Variants in DLG2 observed in about 807,000 individuals in gnomAD.
The protein encoded by DLG2 is disks large homolog 2.
In DLG2, 45 loss-of-function variants were observed where a neutral mutation model predicts 132.5. The observed-to-expected ratio is 0.34, with a 90% CI of 0.27 to 0.44. The LOEUF (loss-of-function observed/expected upper bound fraction) is 0.44. Ranked by LOEUF, DLG2 falls within the 20% of genes least tolerant of loss-of-function variation. DLG2 has a pLI of 1.00. For missense variants in DLG2, 1,045 were observed against 1,196.9 expected (o/e 0.87, Z 1.87); for synonymous variants, 424 against 419.6 (o/e 1.01, Z -0.13).
chr11:84,364,948 A>G (rs527575661), intron 7 of DLG2, among the ~76,000 whole-genome samples: 328 of 152,278 alleles, frequency 2.2e-3, no homozygotes, highest in African/African-American at 7.6e-3. Flanking sequence ...ATCAATGATC[A>G]TCAAGGATAT....
At chr11:84,570,357 C>G (rs1440456035) in intron 6 of DLG2, among the ~76,000 whole-genome samples, 2 of 152,186 alleles carry the variant, frequency 1.3e-5, no homozygotes, top group African/African-American at 4.8e-5. Context: ...GGTTAGGTAT[C>G]TCACTCTTGT....
In DLG2 at chr11:85,002,433, T is replaced by C. The variant is rs61909090; in HGVS notation, c.357+109228A>G. Among the ~76,000 whole-genome samples, 1,205 of 152,280 alleles carry C rather than the reference T, an allele frequency of 7.9e-3. 7 individuals are homozygous for C. The highest frequency in any genetic ancestry group is 0.013 in the Non-Finnish European group (863 of 68,008). Reference sequence around the variant, plus strand: ...TAATGCTTTAAAGATGATATGCTAGTCTAGTGTTTCTCAAAGTAGGGCCCT... The same window carrying C: ...TAATGCTTTAAAGATGATATGCTAGCCTAGTGTTTCTCAAAGTAGGGCCCT... On this transcript the variant is annotated intron_variant, in intron 6 of 27. Transcript: ENST00000376104.
At chr11:83,785,525 G>A (rs1229346545) in intron 18 of DLG2, among the ~76,000 whole-genome samples, 2 of 152,110 alleles carry the variant, frequency 1.3e-5, no homozygotes, top group Non-Finnish European at 2.9e-5. Flanking sequence ...GGCCATATCT[G>A]GCCTAGGCCA....
At chr11:84,185,181 T>C (rs998815503) in intron 8 of DLG2, among the ~76,000 whole-genome samples, 2 of 152,126 alleles carry the variant, frequency 1.3e-5, no homozygotes, top group African/African-American at 4.8e-5. Flanking sequence ...ATTTTCATGA[T>C]ATTGATTCCT....
At chr11:85,165,398 A>T (rs2078366307) in intron 4 of DLG2, among the ~76,000 whole-genome samples, 1 of 152,222 alleles carries the variant, frequency 6.6e-6, no homozygotes, top group Admixed American at 6.5e-5. Context: ...TCACATAATC[A>T]AACTGACCTT....
chr11:84,330,977 G>A (rs545821482), intron 7 of DLG2, among the ~76,000 whole-genome samples: 2 of 152,302 alleles, frequency 1.3e-5, no homozygotes, highest in African/African-American at 4.8e-5. Flanking sequence ...CTTATTTACA[G>A]ATCCTAAGGA....
intron 6 of DLG2, among the ~76,000 whole-genome samples, chr11:84,581,004 G>A (rs1168962611): frequency 6.6e-6 from 1 of 152,174 alleles, no homozygotes; most frequent in African/African-American, 2.4e-5. Context: ...GTTAATGAAA[G>A]ATCTTCTGTT....
At chr11:84,738,787 G>C (rs1166163240) in intron 6 of DLG2, among the ~76,000 whole-genome samples, 1 of 152,060 alleles carries the variant, frequency 6.6e-6, no homozygotes, top group South Asian at 2.1e-4. Context: ...GTATTCAAGA[G>C]AAATGAAAAC....
chr11:84,872,510 T>TA (rs2085630997), intron 6 of DLG2, among the ~76,000 whole-genome samples: 1 of 152,186 alleles, frequency 6.6e-6, no homozygotes, highest in Admixed American at 6.5e-5. Context: ...AATGCTATAA[T>TA]AGAGTTGTAC....
chr11:84,440,219 A>C (rs1462355031), intron 7 of DLG2, among the ~76,000 whole-genome samples: 1 of 152,220 alleles, frequency 6.6e-6, no homozygotes, highest in Non-Finnish European at 1.5e-5. Flanking sequence ...AGTAATAACT[A>C]TTGTTTCTTA....
chr11:84,397,552 C>CTATTTTTTGGCAA, intron 7 of DLG2, among the ~76,000 whole-genome samples: 1 of 152,300 alleles, frequency 6.6e-6, no homozygotes, highest in African/African-American at 2.4e-5. Flanking sequence ...TGCTCTCTCT[C>CTATTTTTTGGCAA]TATTTTTTGG....
rs368391022 is a variant in DLG2 at position 85,091,653 on chromosome 11, T to G, written c.357+20008A>C. 5.3e-5 allele frequency among the ~76,000 whole-genome samples: 8 copies of G among 152,374 alleles called. No homozygotes were observed. The East Asian group carries it at 7.7e-4, about 15-fold the overall frequency. On this transcript the variant is annotated intron_variant, in intron 6 of 27. Coordinates refer to ENST00000376104, the MANE Select transcript of DLG2 (RefSeq NM_001142699.3). ...GACTTTGTTGTCGTGTCTACAATGT[T>G]CACATCGTCTTCTTTAGAAGTAAAT...
intron 6 of DLG2, among the ~76,000 whole-genome samples, chr11:84,674,015 G>A (rs2153696752): frequency 6.6e-6 from 1 of 152,220 alleles, no homozygotes; most frequent in South Asian, 2.1e-4. Context: ...TTTATAAGAG[G>A]TGCAGAATAA....
chr11:83,649,545 G>C (rs2069385021), intron 18 of DLG2, among the ~76,000 whole-genome samples: 1 of 152,182 alleles, frequency 6.6e-6, no homozygotes, highest in African/African-American at 2.4e-5. Context: ...GACAAACTCA[G>C]TAAGAACTTC....
chr11:85,462,225 T>C (rs1169006049), intron 3 of DLG2, among the ~76,000 whole-genome samples: 1 of 152,174 alleles, frequency 6.6e-6, no homozygotes, highest in Non-Finnish European at 1.5e-5. Flanking sequence ...AGTTCATCCT[T>C]TGTGGAAGTC....
intron 16 of DLG2, among the ~76,000 whole-genome samples, chr11:83,845,672 T>C (rs1021235852): frequency 1.3e-5 from 2 of 152,198 alleles, no homozygotes; most frequent in Admixed American, 1.3e-4. Flanking sequence ...ATACTAAACA[T>C]ACTGTGGTTG....
intron 6 of DLG2, among the ~76,000 whole-genome samples, chr11:85,005,313 T>C (rs191723072): frequency 4.9e-4 from 75 of 152,270 alleles, no homozygotes; most frequent in Admixed American, 4.8e-3. Context: ...TAAATTACTT[T>C]GGGCAGTATG....
chr11:84,610,855 G>A (rs2099594168), intron 6 of DLG2, among the ~76,000 whole-genome samples: 1 of 151,900 alleles, frequency 6.6e-6, no homozygotes, highest in Admixed American at 6.6e-5. Flanking sequence ...TCTCCCTCTG[G>A]AATTCATACA....
At chr11:84,784,143 C>CAA (rs59301159) in intron 6 of DLG2, among the ~76,000 whole-genome samples, 130 of 8,656 alleles carry the variant, frequency 0.015, 35 homozygotes, top group Non-Finnish European at 0.021. Flanking sequence ...ACTAAAAATG[C>CAA]AAAAAAAAAA....
Sources: allele counts gnomAD v4.1 joint callset (sites outside exome capture counted in the v4.1 genomes callset), GRCh38; gene constraint gnomAD v4.1.1; transcripts MANE v1.5; gene names NCBI Gene and HGNC (gene_info 2026-07-23, HGNC 2026-07-21).